The following SLC2A3 variants were observed in gnomAD, a reference collection of about 807,000 sequenced individuals.
SLC2A3 encodes the protein solute carrier family 2, facilitated glucose transporter member 3.
In SLC2A3, 21 loss-of-function variants were observed where a neutral mutation model predicts 46.4. The observed-to-expected ratio is 0.45, with a 90% CI of 0.32 to 0.65. The LOEUF (loss-of-function observed/expected upper bound fraction) is 0.65. Ranked by LOEUF, SLC2A3 falls within the 30% of genes least tolerant of loss-of-function variation. The pLI is 0.04. For missense variants in SLC2A3, 499 were observed against 623.3 expected (o/e 0.80, Z 2.12); for synonymous variants, 213 against 239.4 (o/e 0.89, Z 1.02).
chr12:7,929,501 G>A, intron 6 of SLC2A3, 183 bp downstream of exon 6: 2 of 771,038 alleles, frequency 2.6e-6, no homozygotes, highest in Non-Finnish European at 3.9e-6. Context: ...GTCTCACTCT[G>A]TCTCCCAGGC....
chr12:7,925,980 C>A (rs1265319350), intron 6 of SLC2A3, 32 bp from the exon 7 acceptor site: 4 of 1,532,466 alleles, frequency 2.6e-6, no homozygotes, highest in Middle Eastern at 1.7e-4. Context: ...AGCTTTGATG[C>A]AATTCTGCAC....
chr12:7,929,790 T>C lies in SLC2A3; in HGVS notation c.755A>G (p.Glu252Gly). The change falls in exon 6 of 10, where the codon GAA becomes GGA. Residue 252 changes from glutamate (E) to glycine (G), a missense_variant. Glu to Gly is a moderately conservative substitution (Grantham distance 98, BLOSUM62 -2). This residue lies in a region of SLC2A3 where 65 missense variants were observed against 88.4 expected (regional missense o/e 0.74). Transcript: ENST00000075120. Reference sequence around the variant, plus strand: ...GAGCTCTAGCACGGTGACTTGCTTTTCTTGTGACATCCTTGCACTCTCATC... The same window carrying C: ...GAGCTCTAGCACGGTGACTTGCTTTCCTTGTGACATCCTTGCACTCTCATC... ...MKDESARMSQ[E>G]KQVTVLELFR... The C allele has an allele frequency of 1.2e-6, 2 of 1,613,790 alleles. No homozygotes were observed. Among genetic ancestry groups the C allele is most frequent in the South Asian group, 1.1e-5 (1 of 91,066 alleles).
rs1197434907 is a variant in SLC2A3 at position 7,920,035 on chromosome 12, G to A, written c.*1378C>T. The stretch of plus-strand genomic sequence containing the variant: ...AGATTCAAGTCCCCTGAGGGCATTC[G>A]GCATAGGACCACAGTGACATGGTAA... On this transcript the variant is annotated 3_prime_UTR_variant, in exon 10 of 10. Transcript: ENST00000075120. 1 of 152,144 alleles carries A rather than the reference G, an allele frequency of 6.6e-6. No individual in the cohort carries two copies. The highest frequency in any genetic ancestry group is 6.6e-5 in the Admixed American group (1 of 15,248). 9.4% of individuals were successfully genotyped at this position (152,144 alleles called of 1,614,324 possible).
At position 7,930,259 on chromosome 12, in the gene SLC2A3, G is replaced by A. The variant is rs113633435; in HGVS notation, c.673+221C>T. ...GGCCTCTTATAATGCTGGATTACAG[G>A]CATGAGCCATCACACCCTGCCTGAT... On this transcript the variant is annotated intron_variant, in intron 5 of 9. Coordinates refer to ENST00000075120, the MANE Select transcript of SLC2A3 (RefSeq NM_006931.3). 3.1e-5 allele frequency: 17 copies of A among 551,144 alleles called. 1 individual carries two copies. Among genetic ancestry groups the A allele is most frequent in the African/African-American group, 2.8e-4 (15 of 52,956 alleles). The allele number at this position is 551,144 out of a possible 1,614,324, so 34.1% of individuals were successfully genotyped here.
rs904613160 is a variant in SLC2A3 at position 7,919,719 on chromosome 12, G to C, written c.*1694C>G. On this transcript the variant is annotated 3_prime_UTR_variant, in exon 10 of 10. Transcript: ENST00000075120. ...AGCCACCGCATCCGGCCTCAGCTAC[G>C]TGCATTTTTATTCAAAGGCTCCAGG... The C allele has an allele frequency of 6.6e-6, 1 of 152,240 alleles. No homozygotes were observed. Among genetic ancestry groups the C allele is most frequent in the South Asian group, 2.1e-4 (1 of 4,822 alleles). The allele number at this position is 152,240 out of a possible 1,614,324, so 9.4% of individuals were successfully genotyped here.
intron 6 of SLC2A3, among the ~76,000 whole-genome samples, chr12:7,927,693 C>A (rs1946109688): frequency 6.6e-6 from 1 of 152,094 alleles, no homozygotes; most frequent in Non-Finnish European, 1.5e-5. Context: ...ATCCCAACCC[C>A]CATAATTCTG....
intron 6 of SLC2A3, 140 bp downstream of exon 6, chr12:7,929,544 A>C: frequency 7.8e-7 from 1 of 1,281,630 alleles, no homozygotes; most frequent in Non-Finnish European, 1.1e-6. Flanking sequence ...AGCTCACTGC[A>C]ACCTGAAACT....
intron 6 of SLC2A3, among the ~76,000 whole-genome samples, chr12:7,929,264 G>A (rs1946127097): frequency 6.6e-6 from 1 of 152,052 alleles, no homozygotes; most frequent in Non-Finnish European, 1.5e-5. Context: ...ACAATCCACA[G>A]TCAAATGCAG....
At chr12:7,933,534 T>C (rs1946181170) in intron 2 of SLC2A3, 2 of 476,140 alleles carry the variant, frequency 4.2e-6, no homozygotes, top group Admixed American at 3.6e-5. Context: ...CCACTAATTT[T>C]CCCCACCAAT....
intron 3 of SLC2A3, 92 bp from the exon 4 acceptor site, chr12:7,931,577 C>A: frequency 6.7e-7 from 1 of 1,495,686 alleles, no homozygotes; most frequent in Non-Finnish European, 9.0e-7. Context: ...TCTCCAGGCT[C>A]ATATCATCCC....
intron 6 of SLC2A3, among the ~76,000 whole-genome samples, chr12:7,929,202 G>A (rs943333873): frequency 6.6e-6 from 1 of 152,060 alleles, no homozygotes; most frequent in Non-Finnish European, 1.5e-5. Context: ...GGTGGGACAA[G>A]GGTGCTCTTA....
chr12:7,928,010 G>T (rs1946112929), intron 6 of SLC2A3, among the ~76,000 whole-genome samples: 1 of 152,036 alleles, frequency 6.6e-6, no homozygotes, highest in Non-Finnish European at 1.5e-5. Flanking sequence ...GGAGTCTGAG[G>T]CAGGAGAATC....
chr12:7,922,716 T>C lies in SLC2A3; in HGVS notation c.1272+105A>G, dbSNP rs763814825. On this transcript the variant is annotated intron_variant, in intron 9 of 9. Transcript: ENST00000075120. ...GCCTCAGCCTCCCACAGTGCTAGGA[T>C]TACAGGCATGAGCCACCATGCCAGG... 3.9e-5 allele frequency: 59 copies of C among 1,500,078 alleles called. 1 individual carries two copies. The highest frequency in any genetic ancestry group is 5.7e-5 in the Admixed American group (3 of 52,952). 92.9% of individuals were successfully genotyped at this position (1,500,078 alleles called of 1,614,324 possible).
Position 7,933,003 on chromosome 12 carries a change from C to G in SLC2A3, c.253G>C (p.Val85Leu), listed in dbSNP as rs17728193. 6.2e-6 allele frequency: 10 copies of G among 1,613,892 alleles called. No homozygotes were observed. In the East Asian group the frequency reaches 1.6e-4, roughly 25 times the overall value. Residue 85 changes from valine (V) to leucine (L), a missense_variant, in exon 3 of 10, where the codon GTC (valine) becomes CTC (leucine). Transcript: ENST00000075120. The stretch of plus-strand genomic sequence containing the variant: ...AGTCAATACCTGCCAAAGCGGTTGA[C>G]GAAGAGTCCGACGGAAAAGGAGCCG... The part of the protein sequence containing the change: ...MIGSFSVGLF[V>L]NRFGRRNSML...
At position 7,922,839 on chromosome 12, in the gene SLC2A3, C is replaced by G; in HGVS notation, c.1254G>C (p.Leu418Phe). ...TACTTACAGCAGCGGAGGGGAAGAG[C>G]AATCCGACTAGGAAGTTGGAGGTCC... ...SNWTSNFLVGLLFPSAAHYLG... is the reference protein window; with the variant it reads ...SNWTSNFLVGFLFPSAAHYLG... Residue 418 changes from leucine (L) to phenylalanine (F), a missense_variant, in exon 9 of 10, where the codon TTG becomes TTC. Leu to Phe is a conservative substitution (Grantham distance 22). Coordinates refer to ENST00000075120, the MANE Select transcript of SLC2A3 (RefSeq NM_006931.3). 6.2e-7 allele frequency: 1 copy of G among 1,614,014 alleles called. No homozygotes were observed. Among genetic ancestry groups the G allele is most frequent in the East Asian group, 2.2e-5 (1 of 44,882 alleles).
rs1278764091 is a variant in SLC2A3 at position 7,921,014 on chromosome 12, G to A, written c.*399C>T. ...AGGTGCTCTTACATAAACACCCTCC[G>A]GCTTCCACACTCATATGTATCTGCT... On this transcript the variant is annotated 3_prime_UTR_variant, in exon 10 of 10. Coordinates refer to ENST00000075120, the MANE Select transcript of SLC2A3 (RefSeq NM_006931.3). The A allele has an allele frequency of 1.7e-5, 5 of 299,166 alleles. No individual in the cohort carries two copies. The highest frequency in any genetic ancestry group is 9.7e-5 in the South Asian group (3 of 31,056). The allele number at this position is 299,166 out of a possible 1,614,324, so 18.5% of individuals were successfully genotyped here. A position where few individuals can be genotyped will look rare whatever the true frequency, so the allele number is the denominator to read the frequency against.
chr12:7,930,729 C>A, intron 4 of SLC2A3, 87 bp from the exon 5 acceptor site: 1 of 1,342,116 alleles, frequency 7.5e-7, no homozygotes, highest in Non-Finnish European at 1.0e-6. Flanking sequence ...GAAAATCATA[C>A]ATTCTTTTAC....
chr12:7,930,997 C>T (rs902260960), intron 4 of SLC2A3, among the ~76,000 whole-genome samples: 3 of 151,956 alleles, frequency 2.0e-5, no homozygotes, highest in Non-Finnish European at 4.4e-5. Flanking sequence ...GGGGTTTCAC[C>T]ATGTTAGCCA....
chr12:7,923,520 C>G (rs1946061280), intron 8 of SLC2A3, among the ~76,000 whole-genome samples: 1 of 152,046 alleles, frequency 6.6e-6, no homozygotes. Context: ...GAGGCTGAGG[C>G]AGCAGAAACA....
Sources: allele counts gnomAD v4.1 joint callset (sites outside exome capture counted in the v4.1 genomes callset), GRCh38; gene constraint gnomAD v4.1.1; regional missense constraint gnomAD v4.1.1; transcripts MANE v1.5; gene names NCBI Gene and HGNC (gene_info 2026-07-23, HGNC 2026-07-21).